Variants in PDK1 observed in about 807,000 individuals in gnomAD.
PDK1 encodes the protein pyruvate dehydrogenase kinase 1.
In PDK1, 39 loss-of-function variants were observed where a neutral mutation model predicts 54.2. The ratio of observed to expected loss-of-function variants is 0.72; its 90% CI spans 0.56 to 0.94. The LOEUF (loss-of-function observed/expected upper bound fraction) is 0.94, where lower values mean the gene tolerates loss of function less well. PDK1 is among the 40% of genes least tolerant of loss of function. The pLI, the probability that PDK1 is intolerant of heterozygous loss-of-function variation, is 0.00. For synonymous variants in PDK1, 221 were observed against 207.1 expected (o/e 1.07, Z -0.58); for missense variants, 552 against 566.0 (o/e 0.98, Z 0.25).
At chr2:172,649,653 G>A in the PDK1 span, among the ~76,000 whole-genome samples, 1 of 152,184 alleles carries the variant, frequency 6.6e-6, no homozygotes, top group Non-Finnish European at 1.5e-5. Context: ...ATGACCTGAT[G>A]GAGCTGGAAA....
the PDK1 span, among the ~76,000 whole-genome samples, chr2:172,701,639 TTTTG>T: frequency 0.19 from 24,660 of 131,152 alleles, 2,476 homozygotes; most frequent in African/African-American, 0.36. Context: ...CTGTTTTTTT[TTTTG>T]TTTTGTTTTT....
At position 172,556,317 on chromosome 2, in the gene PDK1, C is replaced by T; in HGVS notation, c.167C>T (p.Pro56Leu). 2 of 1,496,576 alleles carry T rather than the reference C, an allele frequency of 1.3e-6. No individual in the cohort carries two copies. Among genetic ancestry groups the T allele is most frequent in the Non-Finnish European group, 1.8e-6 (2 of 1,130,454 alleles). The allele number at this position is 1,496,576 out of a possible 1,614,324, so 92.7% of individuals were successfully genotyped here. ...TTCTACGCGCGCTTCTCGCCGTCCC[C>T]GCTCTCCATGAAGCAGTTCCTGGAC... ...VDFYARFSPSPLSMKQFLDFG... is the reference protein window; with the variant it reads ...VDFYARFSPSLLSMKQFLDFG... Residue 56 changes from proline (P) to leucine (L), a missense_variant, in exon 1 of 11, where the codon CCG becomes CTG. Transcript: ENST00000282077.
intron 5 of PDK1, among the ~76,000 whole-genome samples, chr2:172,565,569 G>A (rs927130228): frequency 3.4e-5 from 5 of 148,178 alleles, no homozygotes; most frequent in African/African-American, 1.3e-4. Flanking sequence ...CCAAAGAGCT[G>A]GGATTACAGG....
chr2:172,602,104 T>C lies in PDK1; in HGVS notation c.*6135T>C, dbSNP rs1432078596. The C allele has an allele frequency of 1.3e-5, 2 of 152,188 alleles. No individual in the cohort carries two copies. Among genetic ancestry groups the C allele is most frequent in the African/African-American group, 2.4e-5 (1 of 41,460 alleles). The allele number at this position is 152,188 out of a possible 1,614,324, so 9.4% of individuals were successfully genotyped here. On this transcript the variant is annotated 3_prime_UTR_variant, in exon 11 of 11. Coordinates refer to ENST00000282077, the MANE Select transcript of PDK1 (RefSeq NM_002610.5). ...CAAGAAACTGATAATTCCTGTCTTA[T>C]AGAAACTTTGAAATGAGAGAAAGCT...
At chr2:172,694,895 T>C in the PDK1 span, among the ~76,000 whole-genome samples, 1 of 152,170 alleles carries the variant, frequency 6.6e-6, no homozygotes, top group Non-Finnish European at 1.5e-5. Flanking sequence ...GGCGGGTGGA[T>C]CACTTGAGGT....
chr2:172,588,004 C>T (rs767890736), intron 9 of PDK1, among the ~76,000 whole-genome samples: 6 of 152,196 alleles, frequency 3.9e-5, no homozygotes, highest in East Asian at 1.9e-4. Flanking sequence ...AGTCCCCACC[C>T]GACCCAGAAG....
At chr2:172,636,494 T>C in the PDK1 span, among the ~76,000 whole-genome samples, 8 of 151,916 alleles carry the variant, frequency 5.3e-5, no homozygotes, top group East Asian at 1.4e-3. Context: ...CTGAGGTGGG[T>C]GGATCACCTG....
the PDK1 span, among the ~76,000 whole-genome samples, chr2:172,651,731 A>G: frequency 6.6e-6 from 1 of 152,240 alleles, no homozygotes; most frequent in Non-Finnish European, 1.5e-5. Context: ...CAATGGATAA[A>G]TTCCTGGACA....
intron 8 of PDK1, among the ~76,000 whole-genome samples, chr2:172,584,732 A>G (rs769593490): frequency 6.1e-5 from 9 of 147,612 alleles, no homozygotes; most frequent in African/African-American, 1.0e-4. Context: ...ATAGCTCACT[A>G]CAGCCTCGAA....
At chr2:172,710,632 T>C in the PDK1 span, among the ~76,000 whole-genome samples, 1 of 152,358 alleles carries the variant, frequency 6.6e-6, no homozygotes, top group African/African-American at 2.4e-5. Context: ...AAGCAAGGAC[T>C]GGCTGTAAAG....
chr2:172,611,791 C>A (rs1382771065), downstream of PDK1, among the ~76,000 whole-genome samples: 1 of 152,196 alleles, frequency 6.6e-6, no homozygotes, highest in Non-Finnish European at 1.5e-5. Context: ...GAAGAGAAAT[C>A]ATATGATAAT....
the PDK1 span, among the ~76,000 whole-genome samples, chr2:172,627,014 A>G: frequency 2.6e-5 from 4 of 152,178 alleles, no homozygotes; most frequent in Non-Finnish European, 4.4e-5. Context: ...ATTCTAAAAG[A>G]TAGAGAAAAA....
chr2:172,670,610 A>G, the PDK1 span, among the ~76,000 whole-genome samples: 9 of 152,250 alleles, frequency 5.9e-5, no homozygotes, highest in East Asian at 1.9e-4. Flanking sequence ...TTGGGCATTA[A>G]GTAAATACTC....
chr2:172,621,829 TTA>T, the PDK1 span, among the ~76,000 whole-genome samples: 1 of 124,118 alleles, frequency 8.1e-6, no homozygotes, highest in African/African-American at 2.8e-5. Context: ...TGATATATGT[TTA>T]TATCTCATAT....
the PDK1 span, among the ~76,000 whole-genome samples, chr2:172,637,784 C>T: frequency 2.6e-5 from 4 of 152,160 alleles, no homozygotes; most frequent in African/African-American, 7.2e-5. Context: ...CAACCTCCAC[C>T]GCCCAGGTTC....
chr2:172,560,409 C>T (rs926307230), intron 2 of PDK1, among the ~76,000 whole-genome samples: 1 of 152,170 alleles, frequency 6.6e-6, no homozygotes, highest in Non-Finnish European at 1.5e-5. Flanking sequence ...CTCAAGCAGT[C>T]CTCTCACCTT....
chr2:172,614,133 G>T, the PDK1 span, among the ~76,000 whole-genome samples: 2 of 151,294 alleles, frequency 1.3e-5, no homozygotes, highest in Non-Finnish European at 2.9e-5. Context: ...TAGAACCCGG[G>T]AATCTCTGCA....
the PDK1 span, among the ~76,000 whole-genome samples, chr2:172,618,101 C>A: frequency 6.6e-6 from 1 of 152,118 alleles, no homozygotes; most frequent in Non-Finnish European, 1.5e-5. Flanking sequence ...GAGACTCTGT[C>A]AGTTTTAGTG....
intron 6 of PDK1, among the ~76,000 whole-genome samples, chr2:172,567,488 G>GA (rs1442313056): frequency 1.3e-5 from 2 of 152,112 alleles, no homozygotes; most frequent in Admixed American, 6.5e-5. Context: ...TAGTTTGACA[G>GA]AAAAAAGCAT....
Sources: allele counts gnomAD v4.1 joint callset (sites outside exome capture counted in the v4.1 genomes callset), GRCh38; gene constraint gnomAD v4.1.1; transcripts MANE v1.5; gene names NCBI Gene and HGNC (gene_info 2026-07-23, HGNC 2026-07-21).